TOP1: variants seen among roughly 807,000 people sequenced by gnomAD.
TOP1 encodes the protein DNA topoisomerase 1.
In TOP1, 10 loss-of-function variants were observed where a neutral mutation model predicts 111.1. That is an observed-to-expected ratio of 0.09 (90% CI 0.06 to 0.15). The LOEUF is 0.15. TOP1 is among the 10% of genes least tolerant of loss of function. TOP1 has a pLI of 1.00. For synonymous variants in TOP1, 271 were observed against 302.9 expected (o/e 0.89, Z 1.10); for missense variants, 474 against 926.7 (o/e 0.51, Z 6.34).
intron 14 of TOP1, 137 bp from the exon 15 acceptor site, chr20:41,113,833 A>G (rs955052845): frequency 4.7e-6 from 3 of 632,122 alleles, no homozygotes; most frequent in African/African-American, 3.7e-5. Context: ...CAGTGAGCCA[A>G]AATTGCGCCA....
chr20:41,075,019 A>G (rs949389259), intron 3 of TOP1, among the ~76,000 whole-genome samples: 1 of 152,142 alleles, frequency 6.6e-6, no homozygotes, highest in Admixed American at 6.5e-5. Flanking sequence ...GTGGTACTCA[A>G]ATTATAGCTT....
chr20:41,072,713 G>A (rs2033682210), intron 3 of TOP1: 30 of 985,312 alleles, frequency 3.0e-5, no homozygotes, highest in Non-Finnish European at 3.4e-5. Context: ...TGGAGGCAGG[G>A]ACGGTAACAG....
At chr20:41,075,460 C>T (rs958561212) in intron 3 of TOP1, among the ~76,000 whole-genome samples, 5 of 152,186 alleles carry the variant, frequency 3.3e-5, no homozygotes, top group African/African-American at 9.6e-5. Context: ...CGTGAGCCAC[C>T]GCGCCCAGCC....
rs760416959 is a variant in TOP1 at position 41,029,485 on chromosome 20, GC to G, written c.58+36del. ...GTGTGCCCCCTGCGCCGACTCCGGGGCCCCCCAGCCGCCGGCCGCCTCCCCC... is the reference window on the plus strand; with the variant it reads ...GTGTGCCCCCTGCGCCGACTCCGGGGCCCCCAGCCGCCGGCCGCCTCCCCC... On this transcript the variant is annotated intron_variant, in intron 2 of 20. Transcript: ENST00000361337. The surrounding 1 kb of genome is among the most constrained non-coding windows in gnomAD (Gnocchi z 6.1). 20 of 1,546,828 alleles carry G rather than the reference GC, an allele frequency of 1.3e-5. No individual in the cohort carries two copies. The highest frequency in any genetic ancestry group is 2.5e-5 in the East Asian group (1 of 40,064).
In TOP1 at chr20:41,034,001, T is replaced by A. The variant is rs1485476366; in HGVS notation, c.58+4546T>A. ...GGAGGTTTAAAAAAAAAAACCCTATTGAAAGAATAGTAAAATATATTGGAT... is the reference window on the plus strand; with the variant it reads ...GGAGGTTTAAAAAAAAAAACCCTATAGAAAGAATAGTAAAATATATTGGAT... On this transcript the variant is annotated intron_variant, in intron 2 of 20. Transcript: ENST00000361337. This position sits in a 1 kb window ranked among gnomAD's most constrained non-coding sequence, Gnocchi z 4.0. Among the ~76,000 whole-genome samples, 2 of 152,274 alleles carry A rather than the reference T, an allele frequency of 1.3e-5. No homozygotes were observed. The highest frequency in any genetic ancestry group is 3.9e-4 in the East Asian group (2 of 5,192).
intron 8 of TOP1, among the ~76,000 whole-genome samples, chr20:41,088,269 C>T (rs890350888): frequency 2.6e-5 from 4 of 152,066 alleles, no homozygotes; most frequent in African/African-American, 4.8e-5. Flanking sequence ...AAGGCCGAAG[C>T]GGGCAGATCA....
chr20:41,060,465 C>T (rs1253885695), intron 2 of TOP1, among the ~76,000 whole-genome samples: 1 of 152,192 alleles, frequency 6.6e-6, no homozygotes. Context: ...ATCTAATATA[C>T]AGCACGATCA....
intron 2 of TOP1, among the ~76,000 whole-genome samples, chr20:41,037,502 C>T (rs1479219201): frequency 6.6e-6 from 1 of 152,160 alleles, no homozygotes; most frequent in East Asian, 1.9e-4. Context: ...AAGTGACCAA[C>T]TTGGTTTTCT....
At chr20:41,087,790 T>A (rs1306024771) in intron 8 of TOP1, among the ~76,000 whole-genome samples, 2 of 152,118 alleles carry the variant, frequency 1.3e-5, no homozygotes, top group African/African-American at 4.8e-5. Flanking sequence ...GCACATGGAG[T>A]TTACTTTCCT....
rs374163730 is a variant in TOP1 at position 41,114,719 on chromosome 20, C to T, written c.1638+564C>T. On this transcript the variant is annotated intron_variant, in intron 15 of 20. Transcript: ENST00000361337. This position sits in a 1 kb window ranked among gnomAD's most constrained non-coding sequence, Gnocchi z 4.5. ...TGAGTGAAAGGTTAATGTTAGTCCC[C>T]AGATCTCTGAGCCCATCACTGAAGA... 5.9e-5 allele frequency among the ~76,000 whole-genome samples: 9 copies of T among 152,284 alleles called. No homozygotes were observed. In the South Asian group the frequency reaches 1.9e-3, roughly 32 times the overall value.
chr20:41,088,481 C>T (rs144830658), intron 8 of TOP1, among the ~76,000 whole-genome samples: 3,022 of 152,082 alleles, frequency 0.02, 92 homozygotes, highest in African/African-American at 0.068. Flanking sequence ...CCAGCCTGGG[C>T]GACAGAGCGA....
rs1157924225 is a variant in TOP1 at position 41,028,918 on chromosome 20, C to T, written c.-150C>T. ...TCGCCGCCGTGGTAGCAGCCTCAGCCGTTTCTGGAGTCTCGGGCCCACAGT... is the reference window on the plus strand; with the variant it reads ...TCGCCGCCGTGGTAGCAGCCTCAGCTGTTTCTGGAGTCTCGGGCCCACAGT... On this transcript the variant is annotated 5_prime_UTR_variant, in exon 1 of 21. Coordinates refer to ENST00000361337, the MANE Select transcript of TOP1 (RefSeq NM_003286.4). 1 of 624,770 alleles carries T rather than the reference C, an allele frequency of 1.6e-6. No homozygotes were observed. Among genetic ancestry groups the T allele is most frequent in the Non-Finnish European group, 2.7e-6 (1 of 364,058 alleles). 38.7% of individuals were successfully genotyped at this position (624,770 alleles called of 1,614,324 possible). A position where few individuals can be genotyped will look rare whatever the true frequency, so the allele number is the denominator to read the frequency against.
intron 4 of TOP1, among the ~76,000 whole-genome samples, chr20:41,076,847 CT>C (rs1356880733): frequency 5.3e-5 from 8 of 152,192 alleles, no homozygotes; most frequent in African/African-American, 1.4e-4. Flanking sequence ...CTCTTCACCC[CT>C]GACTCACTGT....
chr20:41,088,281 G>C (rs897595381), intron 8 of TOP1, among the ~76,000 whole-genome samples: 6 of 152,072 alleles, frequency 3.9e-5, no homozygotes, highest in African/African-American at 1.5e-4. Context: ...GGCAGATCAC[G>C]AGGTCAGTAG....
intron 3 of TOP1, among the ~76,000 whole-genome samples, chr20:41,068,701 T>TA (rs528239061): frequency 1.8e-3 from 273 of 152,286 alleles, no homozygotes; most frequent in African/African-American, 6.4e-3. Flanking sequence ...GGCCCTCTTT[T>TA]AAAAAATACA....
chr20:41,120,624 C>G (rs1297185668), intron 18 of TOP1, among the ~76,000 whole-genome samples: 1 of 152,212 alleles, frequency 6.6e-6, no homozygotes, highest in Non-Finnish European at 1.5e-5. Context: ...CTGAAACTGC[C>G]CTTGTCTCTT....
rs2145949576 is a variant in TOP1 at position 41,097,734 on chromosome 20, T to C, written c.852+393T>C. Among the ~76,000 whole-genome samples the C allele has an allele frequency of 6.6e-6, 1 of 152,354 alleles. No individual in the cohort carries two copies. Among genetic ancestry groups the C allele is most frequent in the Middle Eastern group, 3.4e-3 (1 of 294 alleles). ...CTCATTTATTTTAGGTACTTTCTAC[T>C]CTTGAAACCACATATACTATATTTG... is the stretch of plus-strand genomic sequence containing the variant. On this transcript the variant is annotated intron_variant, in intron 10 of 20. Transcript: ENST00000361337. The surrounding 1 kb of genome is among the most constrained non-coding windows in gnomAD (Gnocchi z 4.2).
intron 3 of TOP1, among the ~76,000 whole-genome samples, chr20:41,066,195 A>G (rs776336102): frequency 6.6e-6 from 1 of 152,172 alleles, no homozygotes; most frequent in Non-Finnish European, 1.5e-5. Flanking sequence ...TAAAAGTGAC[A>G]TAAAGGGCTT....
rs1422449037 is a variant in TOP1, at chr20:41,032,881, T to C, written c.58+3426T>C. ...GATGTGGCTATCTGAAAATTGCCAC[T>C]ACATTTTTAAAACTGAAAAGTGATG... On this transcript the variant is annotated intron_variant, in intron 2 of 20. Coordinates refer to ENST00000361337, the MANE Select transcript of TOP1 (RefSeq NM_003286.4). The surrounding 1 kb of genome is among the most constrained non-coding windows in gnomAD (Gnocchi z 4.3). Among the ~76,000 whole-genome samples the C allele has an allele frequency of 2.6e-5, 4 of 152,236 alleles. No homozygotes were observed. Among genetic ancestry groups the C allele is most frequent in the Admixed American group, 6.5e-5 (1 of 15,278 alleles).
Sources: allele counts gnomAD v4.1 joint callset (sites outside exome capture counted in the v4.1 genomes callset), GRCh38; gene constraint gnomAD v4.1.1; non-coding constraint Gnocchi (gnomAD v3.1); transcripts MANE v1.5; gene names NCBI Gene and HGNC (gene_info 2026-07-23, HGNC 2026-07-21).